Variants in ARMC9 observed in about 807,000 individuals in gnomAD.
The protein encoded by ARMC9 is armadillo repeat containing 9, also known as lisH domain-containing protein ARMC9.
A neutral mutation model predicts 107.0 loss-of-function variants in ARMC9; 94 were observed. That is an observed-to-expected ratio of 0.88 (90% CI 0.74 to 1.04). The LOEUF (loss-of-function observed/expected upper bound fraction) is 1.04, where lower values mean the gene tolerates loss of function less well. Among genes scored for constraint, ARMC9 ranks in the 50% least tolerant of loss-of-function variants. The pLI is 0.00. For missense variants in ARMC9, 942 were observed against 1,030.1 expected (o/e 0.91, Z 1.17); for synonymous variants, 380 against 396.9 (o/e 0.96, Z 0.51).
rs772347238 is a variant in ARMC9 at position 231,343,266 on chromosome 2, G to A, written c.1879-1709G>A. On this transcript the variant is annotated intron_variant, in intron 20 of 24. Coordinates refer to ENST00000611582, the MANE Select transcript of ARMC9 (RefSeq NM_001352754.2). ...TTCCCTGGCTGAGAACTGTCCCAGG[G>A]TCCAGTGAGGCTCACTGAATCCCGT... 2.2e-4 allele frequency among the ~76,000 whole-genome samples: 33 copies of A among 151,502 alleles called. 1 individual carries two copies. The South Asian group carries it at 4.4e-3, about 20-fold the overall frequency.
intron 8 of ARMC9, among the ~76,000 whole-genome samples, chr2:231,235,934 G>A (rs1050978702): frequency 2.6e-4 from 40 of 152,240 alleles, no homozygotes; most frequent in African/African-American, 7.5e-4. Context: ...GAGCCACTGC[G>A]CCTGGCCCTT....
intron 3 of ARMC9, among the ~76,000 whole-genome samples, chr2:231,214,530 C>T (rs1042158826): frequency 6.6e-6 from 1 of 152,204 alleles, no homozygotes; most frequent in Non-Finnish European, 1.5e-5. Flanking sequence ...AGTATATTTA[C>T]GTGTCCAAGA....
intron 19 of ARMC9, among the ~76,000 whole-genome samples, chr2:231,328,876 A>G (rs4972986): frequency 0.31 from 43,265 of 140,874 alleles, 6,776 homozygotes; most frequent in Middle Eastern, 0.37. Flanking sequence ...GTGCAATGGG[A>G]CAATCTCGGC....
intron 20 of ARMC9, among the ~76,000 whole-genome samples, chr2:231,344,502 C>T (rs1478426639): frequency 6.6e-6 from 1 of 152,120 alleles, no homozygotes; most frequent in Admixed American, 6.5e-5. Flanking sequence ...TGTAGGAGCT[C>T]CTTAGCTATG....
At chr2:231,364,532 C>A (rs1353565489) in intron 23 of ARMC9, among the ~76,000 whole-genome samples, 1 of 152,212 alleles carries the variant, frequency 6.6e-6, no homozygotes, top group African/African-American at 2.4e-5. Context: ...AACACATGCT[C>A]ATGCCTGGAA....
intron 20 of ARMC9, among the ~76,000 whole-genome samples, chr2:231,343,728 T>C (rs906510159): frequency 5.3e-5 from 8 of 152,180 alleles, no homozygotes; most frequent in Non-Finnish European, 7.4e-5. Context: ...ACCCTAATCA[T>C]GTTAAGGTTC....
chr2:231,218,249 A>G (rs1456454336), intron 5 of ARMC9, among the ~76,000 whole-genome samples: 1 of 152,186 alleles, frequency 6.6e-6, no homozygotes. Context: ...TTCTAGATTT[A>G]GTTTTACCTA....
At chr2:231,285,367 G>T (rs549841836) in intron 17 of ARMC9, among the ~76,000 whole-genome samples, 1 of 152,002 alleles carries the variant, frequency 6.6e-6, no homozygotes, top group Middle Eastern at 3.4e-3. Flanking sequence ...AGTAGATGAT[G>T]GGGCACGGTG....
chr2:231,274,774 G>A (rs1326625158), intron 14 of ARMC9, among the ~76,000 whole-genome samples: 10 of 152,254 alleles, frequency 6.6e-5, no homozygotes, highest in African/African-American at 2.4e-4. Flanking sequence ...AATGGTCTAA[G>A]CATGTGTGTT....
At chr2:231,222,894 G>A (rs2034290222) in intron 6 of ARMC9, 74 bp downstream of exon 6, 1 of 901,098 alleles carries the variant, frequency 1.1e-6, no homozygotes, top group Admixed American at 2.6e-5. Context: ...CGCTGGCTTA[G>A]GTTTATTGAG....
At chr2:231,289,459 T>A (rs1443646175) in intron 17 of ARMC9, among the ~76,000 whole-genome samples, 1 of 152,202 alleles carries the variant, frequency 6.6e-6, no homozygotes. Context: ...AGAGCAAGAC[T>A]CCATCTCAAA....
In ARMC9 at chr2:231,226,828, G is replaced by A. The variant is rs757530224; in HGVS notation, c.622+30G>A. The A allele has an allele frequency of 9.9e-5, 159 of 1,606,332 alleles. 2 individuals carry two copies. The South Asian group carries it at 1.5e-3, about 15-fold the overall frequency. On this transcript the variant is annotated intron_variant, in intron 7 of 24. Coordinates refer to ENST00000611582, the MANE Select transcript of ARMC9 (RefSeq NM_001352754.2). ...ATCATCTAGATTTAAATTTGTCTAA[G>A]AACAACTTTGCCAGTTCAGGTTTGA...
chr2:231,262,202 A>G (rs2038424783), intron 11 of ARMC9, 104 bp from the exon 12 acceptor site: 3 of 1,047,464 alleles, frequency 2.9e-6, no homozygotes, highest in Non-Finnish European at 4.4e-6. Context: ...TTGTTTGGTT[A>G]AATGTGTAGG....
At chr2:231,286,316 G>A (rs1457693882) in intron 17 of ARMC9, among the ~76,000 whole-genome samples, 5 of 152,048 alleles carry the variant, frequency 3.3e-5, no homozygotes, top group Non-Finnish European at 7.4e-5. Context: ...GGGTTTCACC[G>A]TGTTGGCCAG....
chr2:231,248,833 A>AT (rs1189483942), intron 9 of ARMC9, among the ~76,000 whole-genome samples: 2 of 145,156 alleles, frequency 1.4e-5, no homozygotes, highest in African/African-American at 5.1e-5. Context: ...AAAAAAAAAA[A>AT]GCTGGCCATA....
At chr2:231,292,097 G>T (rs971395304) in intron 18 of ARMC9, among the ~76,000 whole-genome samples, 5 of 151,762 alleles carry the variant, frequency 3.3e-5, no homozygotes, top group African/African-American at 1.2e-4. Context: ...GAACCTGGGA[G>T]GCGGAGGTTG....
chr2:231,342,518 C>T (rs1452629689), intron 20 of ARMC9, among the ~76,000 whole-genome samples: 1 of 151,980 alleles, frequency 6.6e-6, no homozygotes, highest in Non-Finnish European at 1.5e-5. Context: ...ACTGTTTCCC[C>T]TTTTCCAGTT....
intron 1 of ARMC9, among the ~76,000 whole-genome samples, chr2:231,205,068 CAGACTCAGAAG>C (rs1214365616): frequency 6.6e-6 from 1 of 152,044 alleles, no homozygotes; most frequent in Non-Finnish European, 1.5e-5. Flanking sequence ...TGTAAGGTTA[CAGACTCAGAAG>C]AGATCTGACT....
At chr2:231,291,201 C>T (rs2040962840) in intron 17 of ARMC9, 152 bp from the exon 18 acceptor site, 2 of 582,676 alleles carry the variant, frequency 3.4e-6, no homozygotes, top group East Asian at 3.0e-5. Context: ...ATCTCTTAAA[C>T]ATATCTGTCT....
Sources: allele counts gnomAD v4.1 joint callset (sites outside exome capture counted in the v4.1 genomes callset), GRCh38; gene constraint gnomAD v4.1.1; transcripts MANE v1.5; gene names NCBI Gene and HGNC (gene_info 2026-07-23, HGNC 2026-07-21).